ROBO1: variants seen among roughly 807,000 people sequenced by gnomAD.
ROBO1 encodes roundabout homolog 1.
Under a neutral mutation model 195.9 loss-of-function variants are expected in ROBO1, and 149 were observed. The observed-to-expected ratio is 0.76, with a 90% CI of 0.67 to 0.87. The LOEUF (loss-of-function observed/expected upper bound fraction) is 0.87. Ranked by LOEUF, ROBO1 falls within the 40% of genes least tolerant of loss-of-function variation. ROBO1 has a pLI of 0.00. For synonymous variants in ROBO1, 816 were observed against 733.2 expected, an observed-to-expected ratio of 1.11 and a Z score of -1.82; for missense variants, 1,933 against 2,068.3, an observed-to-expected ratio of 0.93 and a Z score of 1.27.
intron 4 of ROBO1, among the ~76,000 whole-genome samples, chr3:78,788,090 C>T (rs904797651): frequency 1.3e-5 from 2 of 151,484 alleles, no homozygotes; most frequent in Admixed American, 1.3e-4. Context: ...CAGGCGCCTG[C>T]CACCGCGCCC....
intron 3 of ROBO1, among the ~76,000 whole-genome samples, chr3:78,959,413 C>A (rs563350081): frequency 1.9e-4 from 29 of 152,184 alleles, no homozygotes; most frequent in Non-Finnish European, 3.5e-4. Context: ...ACAGTAAATT[C>A]TCTACTTGTT....
chr3:79,696,492 A>G (rs1947453678), intron 1 of ROBO1, among the ~76,000 whole-genome samples: 1 of 150,286 alleles, frequency 6.7e-6, no homozygotes, highest in Admixed American at 6.7e-5. Flanking sequence ...GTATATATAC[A>G]GATATATATG....
intron 2 of ROBO1, among the ~76,000 whole-genome samples, chr3:79,408,998 A>C (rs1246850601): frequency 2.0e-5 from 3 of 152,110 alleles, no homozygotes; most frequent in Non-Finnish European, 4.4e-5. Context: ...CAGACATTCT[A>C]GGTTATGTTG....
chr3:79,266,972 GC>G, intron 2 of ROBO1, among the ~76,000 whole-genome samples: 1 of 151,336 alleles, frequency 6.6e-6, no homozygotes, highest in Non-Finnish European at 1.5e-5. Flanking sequence ...TCACTTATAT[GC>G]TTTTTGTTGG....
rs573160338 is a variant in ROBO1, at chr3:78,614,668, C to A, written c.4415G>T (p.Arg1472Leu). The A allele has an allele frequency of 1.2e-6, 2 of 1,613,664 alleles. No homozygotes were observed. The highest frequency in any genetic ancestry group is 1.7e-5 in the Admixed American group (1 of 59,996). ...CTCACCATCTGTGTAGGTTTCTCTGCGCAGATGTCCTGGCTGGTGTTTCAG... is the reference window on the plus strand; with the variant it reads ...CTCACCATCTGTGTAGGTTTCTCTGAGCAGATGTCCTGGCTGGTGTTTCAG... ...KKLKHQPGHL[R>L]RETYTDDLPP... The change falls in exon 28 of 31, where the codon CGC (arginine) becomes CTC (leucine). Residue 1472 changes from arginine to leucine, a missense_variant. Physicochemically the swap from Arg to Leu is moderately radical, Grantham distance 102 (BLOSUM62 -2). Around this residue, in one of 3 missense-constraint regions of ROBO1, gnomAD observed 1,737 missense variants for 1,882.5 expected, o/e 0.92. Transcript: ENST00000464233.
chr3:79,327,236 A>G (rs1171940503), intron 2 of ROBO1, among the ~76,000 whole-genome samples: 1 of 152,074 alleles, frequency 6.6e-6, no homozygotes, highest in African/African-American at 2.4e-5. Context: ...GAGTAGGATC[A>G]AATAAAATAC....
At chr3:78,939,496 A>T (rs1230045513) in intron 3 of ROBO1, among the ~76,000 whole-genome samples, 7 of 150,906 alleles carry the variant, frequency 4.6e-5, no homozygotes, top group Non-Finnish European at 1.0e-4. Flanking sequence ...CGGACACCTG[A>T]AGTCCCAGCT....
At chr3:79,669,045 T>C (rs1440526490) in intron 1 of ROBO1, among the ~76,000 whole-genome samples, 1 of 151,926 alleles carries the variant, frequency 6.6e-6, no homozygotes, top group African/African-American at 2.4e-5. Context: ...ATGTCATTGA[T>C]ATGGTTTGGC....
At chr3:79,724,539 C>T (rs1702835514) in intron 1 of ROBO1, among the ~76,000 whole-genome samples, 1 of 152,148 alleles carries the variant, frequency 6.6e-6, no homozygotes. Flanking sequence ...ATCTTCTTAG[C>T]TTTTACATGT....
At chr3:79,354,055 A>T (rs1322864984) in intron 2 of ROBO1, among the ~76,000 whole-genome samples, 1 of 152,108 alleles carries the variant, frequency 6.6e-6, no homozygotes, top group Non-Finnish European at 1.5e-5. Flanking sequence ...ACAAAAAAAA[A>T]AAAAGTTATT....
chr3:78,707,558 AAAAG>A (rs2081582728), intron 8 of ROBO1, among the ~76,000 whole-genome samples: 1 of 152,216 alleles, frequency 6.6e-6, no homozygotes, highest in Non-Finnish European at 1.5e-5. Context: ...TTTTATAGTT[AAAAG>A]AAAGCTGATA....
chr3:78,868,145 G>A (rs912583035), intron 4 of ROBO1, among the ~76,000 whole-genome samples: 3 of 152,120 alleles, frequency 2.0e-5, no homozygotes, highest in African/African-American at 7.2e-5. Flanking sequence ...TAAGGTATAT[G>A]GAGAGAATTA....
At chr3:79,111,351 A>C (rs1210838485) in intron 3 of ROBO1, among the ~76,000 whole-genome samples, 1 of 152,150 alleles carries the variant, frequency 6.6e-6, no homozygotes, top group Non-Finnish European at 1.5e-5. Flanking sequence ...CAGGGCTCTG[A>C]AAACTAGAAA....
At chr3:79,265,897 T>C (rs1183398978) in intron 2 of ROBO1, among the ~76,000 whole-genome samples, 1 of 151,542 alleles carries the variant, frequency 6.6e-6, no homozygotes, top group Non-Finnish European at 1.5e-5. Context: ...TTGTAAAATA[T>C]ATATTTTATG....
At chr3:79,053,472 T>C (rs1292182597) in intron 3 of ROBO1, among the ~76,000 whole-genome samples, 1 of 151,750 alleles carries the variant, frequency 6.6e-6, no homozygotes, top group Non-Finnish European at 1.5e-5. Flanking sequence ...ACCTCCGGAG[T>C]CAGCTAATGG....
chr3:78,975,991 G>A lies in ROBO1; in HGVS notation c.173-37064C>T, dbSNP rs532806486. ...TTAAAATATACAGCATAACGTAAAA[G>A]TCAGCCTAATTTTGTTCTTTTGTTA... is the stretch of plus-strand genomic sequence containing the variant. On this transcript the variant is annotated intron_variant, in intron 3 of 30. Transcript: ENST00000464233. 1.4e-3 allele frequency among the ~76,000 whole-genome samples: 208 copies of A among 152,240 alleles called. 1 individual carries two copies. The highest frequency in any genetic ancestry group is 4.8e-3 in the African/African-American group (198 of 41,548).
intron 1 of ROBO1, among the ~76,000 whole-genome samples, chr3:79,694,680 T>C (rs1016943319): frequency 7.2e-5 from 11 of 151,808 alleles, no homozygotes; most frequent in Non-Finnish European, 1.2e-4. Context: ...AAGTTCTAGA[T>C]TACATCTTTT....
chr3:78,778,340 T>C (rs1274280025), intron 4 of ROBO1, among the ~76,000 whole-genome samples: 1 of 150,654 alleles, frequency 6.6e-6, no homozygotes, highest in African/African-American at 2.5e-5. Context: ...AGGATGATGC[T>C]AGCCTCATAA....
intron 1 of ROBO1, among the ~76,000 whole-genome samples, chr3:79,698,612 A>G (rs1947516342): frequency 6.6e-6 from 1 of 151,542 alleles, no homozygotes; most frequent in Non-Finnish European, 1.5e-5. Context: ...TCCCTCCTGA[A>G]TTATTTTCCA....
Sources: allele counts gnomAD v4.1 joint callset (sites outside exome capture counted in the v4.1 genomes callset), GRCh38; gene constraint gnomAD v4.1.1; regional missense constraint gnomAD v4.1.1; transcripts MANE v1.5; gene names NCBI Gene and HGNC (gene_info 2026-07-23, HGNC 2026-07-21).